Variants in LTBP1 observed in about 807,000 individuals in gnomAD.
LTBP1 encodes latent transforming growth factor beta binding protein 1, also known as latent-transforming growth factor beta-binding protein 1.
Under a neutral mutation model 207.6 loss-of-function variants are expected in LTBP1, and 129 were observed. The observed-to-expected ratio is 0.62, with a 90% CI of 0.54 to 0.72. The LOEUF (loss-of-function observed/expected upper bound fraction) is 0.72, where lower values mean the gene tolerates loss of function less well. Ranked by LOEUF, LTBP1 falls within the 30% of genes least tolerant of loss-of-function variation. The probability of loss-of-function intolerance (pLI) is 0.00; values close to 1 mark genes in which losing one functional copy is unlikely to be tolerated. For missense variants in LTBP1, 2,281 were observed against 2,217.2 expected (o/e 1.03, Z -0.58); for synonymous variants, 963 against 833.7 (o/e 1.16, Z -2.67).
At chr2:33,035,576 T>C (rs993753660) in intron 3 of LTBP1, among the ~76,000 whole-genome samples, 2 of 152,218 alleles carry the variant, frequency 1.3e-5, no homozygotes, top group African/African-American at 4.8e-5. Flanking sequence ...TTGGGTTGTT[T>C]TATGCATTGT....
intron 24 of LTBP1, among the ~76,000 whole-genome samples, chr2:33,324,441 C>T (rs1010358199): frequency 4.0e-5 from 6 of 151,794 alleles, no homozygotes; most frequent in Admixed American, 3.3e-4. Context: ...ATATATGGTT[C>T]AGTACTATTT....
chr2:33,058,577 T>A (rs72793704), intron 3 of LTBP1, among the ~76,000 whole-genome samples: 14,826 of 152,314 alleles, frequency 0.097, 963 homozygotes, highest in Non-Finnish European at 0.14. Flanking sequence ...CAATTTATAA[T>A]GATAAATATG....
intron 7 of LTBP1, among the ~76,000 whole-genome samples, chr2:33,214,541 C>T (rs1022501024): frequency 7.9e-5 from 12 of 152,132 alleles, no homozygotes; most frequent in South Asian, 2.1e-4. Context: ...AGTCTTCCCC[C>T]GTGTCTGAGA....
intron 24 of LTBP1, among the ~76,000 whole-genome samples, chr2:33,317,299 T>C (rs1422720240): frequency 6.6e-6 from 1 of 152,246 alleles, no homozygotes; most frequent in South Asian, 2.1e-4. Flanking sequence ...CTCCAGAACC[T>C]GGACAATTTT....
At chr2:33,220,877 G>C (rs72858030) in intron 8 of LTBP1, among the ~76,000 whole-genome samples, 2 of 152,206 alleles carry the variant, frequency 1.3e-5, no homozygotes, top group Admixed American at 1.3e-4. Flanking sequence ...AATCTGAAGA[G>C]AGGGGAAATA....
chr2:33,014,065 A>G (rs1287561938), intron 2 of LTBP1, among the ~76,000 whole-genome samples: 1 of 152,198 alleles, frequency 6.6e-6, no homozygotes, highest in East Asian at 1.9e-4. Flanking sequence ...CTCAGAGGGA[A>G]GAGAGAGAAC....
At chr2:33,061,300 T>C (rs555962410) in intron 3 of LTBP1, 1 of 152,298 alleles carries the variant, frequency 6.6e-6, no homozygotes, top group Middle Eastern at 3.4e-3. Context: ...TGCATGTCAT[T>C]AACTAGAGGT....
chr2:33,096,114 A>G (rs1337328422), intron 3 of LTBP1, among the ~76,000 whole-genome samples: 2 of 152,186 alleles, frequency 1.3e-5, no homozygotes, highest in African/African-American at 2.4e-5. Context: ...AAGATAAAGG[A>G]AAATCTTGAG....
chr2:33,058,568 A>G (rs1327969607), intron 3 of LTBP1, among the ~76,000 whole-genome samples: 2 of 152,244 alleles, frequency 1.3e-5, no homozygotes, highest in African/African-American at 4.8e-5. Context: ...TGGAATCACC[A>G]ATTTATAATG....
intron 4 of LTBP1, among the ~76,000 whole-genome samples, chr2:33,129,834 A>AT (rs1424858107): frequency 6.6e-6 from 1 of 152,142 alleles, no homozygotes; most frequent in East Asian, 1.9e-4. Flanking sequence ...CTGCCTCAGT[A>AT]ACTCAAGAGA....
intron 2 of LTBP1, among the ~76,000 whole-genome samples, chr2:32,960,398 GGAATGAATGAATGAAT>G (rs10532840): frequency 3.3e-5 from 5 of 150,282 alleles, no homozygotes; most frequent in East Asian, 2.0e-4. Context: ...ACACCTTTAT[GGAATGAATGAATGAAT>G]GAATGAATGA....
Position 33,134,215 on chromosome 2 carries a change from G to C in LTBP1, c.1034-578G>C, listed in dbSNP as rs990047810. Among the ~76,000 whole-genome samples the C allele has an allele frequency of 2.6e-5, 4 of 152,166 alleles. No individual in the cohort carries two copies. The highest frequency in any genetic ancestry group is 5.9e-5 in the Non-Finnish European group (4 of 68,030). ...AGTTGTGAAAAAGAAATGGGCTCCCGCAGCTGCGTCACAGCATTTGATCAC... is the reference window on the plus strand; with the variant it reads ...AGTTGTGAAAAAGAAATGGGCTCCCCCAGCTGCGTCACAGCATTTGATCAC... On this transcript the variant is annotated intron_variant, in intron 4 of 33. Coordinates refer to ENST00000404816, the MANE Select transcript of LTBP1 (RefSeq NM_206943.4). This position sits in a 1 kb window ranked among gnomAD's most constrained non-coding sequence, Gnocchi z 4.4.
At chr2:33,297,844 A>G (rs1184480301) in intron 20 of LTBP1, among the ~76,000 whole-genome samples, 6 of 152,216 alleles carry the variant, frequency 3.9e-5, no homozygotes, top group African/African-American at 1.4e-4. Flanking sequence ...AATCCAGGAT[A>G]CTACACTGCA....
chr2:32,989,819 C>T (rs1307400920), intron 2 of LTBP1, among the ~76,000 whole-genome samples: 2 of 152,226 alleles, frequency 1.3e-5, no homozygotes, highest in Non-Finnish European at 2.9e-5. Context: ...CTCTCTGTGC[C>T]TTAGCATCCT....
chr2:33,069,823 G>A (rs1162014461), intron 3 of LTBP1, among the ~76,000 whole-genome samples: 2 of 152,182 alleles, frequency 1.3e-5, no homozygotes, highest in Non-Finnish European at 2.9e-5. Context: ...TAGGGAGTGG[G>A]TGGGCACAGT....
At chr2:33,052,957 C>T (rs531164783) in intron 3 of LTBP1, among the ~76,000 whole-genome samples, 1 of 151,286 alleles carries the variant, frequency 6.6e-6, no homozygotes, top group African/African-American at 2.4e-5. Context: ...TCACTGCAAC[C>T]TCTGCCTTCT....
intron 7 of LTBP1, among the ~76,000 whole-genome samples, chr2:33,206,674 G>A (rs2089905226): frequency 6.6e-6 from 1 of 151,392 alleles, no homozygotes; most frequent in Non-Finnish European, 1.5e-5. Flanking sequence ...GGGAGGCGGA[G>A]CTTGCAGTGA....
intron 3 of LTBP1, among the ~76,000 whole-genome samples, chr2:33,066,515 A>C (rs1334956303): frequency 6.6e-6 from 1 of 152,218 alleles, no homozygotes; most frequent in Non-Finnish European, 1.5e-5. Flanking sequence ...GTAGACTCTG[A>C]ATGTCATACT....
chr2:33,073,723 T>C (rs1572503317), intron 3 of LTBP1, among the ~76,000 whole-genome samples: 1 of 152,044 alleles, frequency 6.6e-6, no homozygotes, highest in Non-Finnish European at 1.5e-5. Context: ...GCCTCCCAGG[T>C]TCAAGCAATT....
Sources: allele counts gnomAD v4.1 joint callset (sites outside exome capture counted in the v4.1 genomes callset), GRCh38; gene constraint gnomAD v4.1.1; non-coding constraint Gnocchi (gnomAD v3.1); transcripts MANE v1.5; gene names NCBI Gene and HGNC (gene_info 2026-07-23, HGNC 2026-07-21).